DLGAP1: variants seen among roughly 807,000 people sequenced by gnomAD.
DLGAP1 encodes disks large-associated protein 1.
DLGAP1 carries 11 observed loss-of-function variants against 90.8 expected under a neutral mutation model. That is an observed-to-expected ratio of 0.12 (90% CI 0.08 to 0.20). The LOEUF (loss-of-function observed/expected upper bound fraction) is 0.20. DLGAP1 is among the 10% of genes least tolerant of loss of function. DLGAP1 has a pLI of 1.00. For synonymous variants in DLGAP1, 558 were observed against 540.7 expected, an observed-to-expected ratio of 1.03 and a Z score of -0.44; for missense variants, 1,050 against 1,333.8, an observed-to-expected ratio of 0.79 and a Z score of 3.31.
chr18:4,363,821 G>A (rs545755136), intron 1 of DLGAP1, among the ~76,000 whole-genome samples: 1 of 151,958 alleles, frequency 6.6e-6, no homozygotes, highest in East Asian at 2.0e-4. Flanking sequence ...CTGTAAACTA[G>A]TTCAACCATT....
chr18:3,527,705 C>T (rs921950484), intron 10 of DLGAP1, among the ~76,000 whole-genome samples: 5 of 151,996 alleles, frequency 3.3e-5, no homozygotes, highest in African/African-American at 9.7e-5. Flanking sequence ...ATGCTCTCAC[C>T]TCAGCCTCAT....
chr18:3,720,316 G>A (rs2061926470), intron 7 of DLGAP1, among the ~76,000 whole-genome samples: 1 of 152,200 alleles, frequency 6.6e-6, no homozygotes, highest in Non-Finnish European at 1.5e-5. Flanking sequence ...GGTGGAAATT[G>A]CATGTCAGTA....
At chr18:4,370,675 A>G (rs1428343481) in intron 1 of DLGAP1, among the ~76,000 whole-genome samples, 1 of 152,178 alleles carries the variant, frequency 6.6e-6, no homozygotes, top group African/African-American at 2.4e-5. Flanking sequence ...AAGAGAGAGG[A>G]AGAAGCGCCC....
At chr18:3,520,325 C>T (rs2051102124) in intron 10 of DLGAP1, among the ~76,000 whole-genome samples, 1 of 152,196 alleles carries the variant, frequency 6.6e-6, no homozygotes, top group South Asian at 2.1e-4. Flanking sequence ...GCAGCATCCT[C>T]AAGTCTTTCC....
chr18:3,909,392 A>G (rs576924163), intron 3 of DLGAP1, among the ~76,000 whole-genome samples: 1 of 152,338 alleles, frequency 6.6e-6, no homozygotes, highest in South Asian at 2.1e-4. Context: ...TTTGTATCAC[A>G]TTAATGCCAC....
intron 1 of DLGAP1, among the ~76,000 whole-genome samples, chr18:4,187,735 T>C (rs1219330699): frequency 3.3e-5 from 5 of 152,082 alleles, no homozygotes; most frequent in Non-Finnish European, 7.4e-5. Context: ...TGGTGGCTCA[T>C]GCCTGTAATC....
rs139481085 is a variant in DLGAP1, at chr18:4,294,227, A to C, written c.-266-142940T>G. On this transcript the variant is annotated intron_variant, in intron 1 of 12. Transcript: ENST00000315677. ...TCAGGCCAAACTATACATTCTTTCC[A>C]GAGCTGACCACACTTGTTATGTTAT... 4.3e-3 allele frequency: 653 copies of C among 152,320 alleles called. 7 individuals are homozygous for C. The highest frequency in any genetic ancestry group is 0.015 in the African/African-American group (625 of 41,564). 9.4% of individuals were successfully genotyped at this position (152,320 alleles called of 1,614,324 possible). A position where few individuals can be genotyped will look rare whatever the true frequency, so the allele number is the denominator to read the frequency against.
intron 7 of DLGAP1, among the ~76,000 whole-genome samples, chr18:3,656,755 CAG>C (rs1306285283): frequency 1.3e-5 from 2 of 150,718 alleles, no homozygotes; most frequent in African/African-American, 4.9e-5. Flanking sequence ...TTTTTTGAGA[CAG>C]AGTCTCGCTC....
intron 7 of DLGAP1, among the ~76,000 whole-genome samples, chr18:3,722,828 T>A (rs1216087699): frequency 6.6e-6 from 1 of 152,152 alleles, no homozygotes; most frequent in Non-Finnish European, 1.5e-5. Flanking sequence ...CCAAAAATGG[T>A]CATTAATGCT....
At chr18:3,513,670 G>C (rs1170612096) in intron 10 of DLGAP1, among the ~76,000 whole-genome samples, 2 of 152,164 alleles carry the variant, frequency 1.3e-5, no homozygotes, top group Admixed American at 6.5e-5. Flanking sequence ...AGAGATGGTG[G>C]GTGTTTCAAG....
chr18:3,589,146 C>T (rs1218418775), intron 7 of DLGAP1, among the ~76,000 whole-genome samples: 1 of 152,118 alleles, frequency 6.6e-6, no homozygotes, highest in East Asian at 1.9e-4. Flanking sequence ...CAAGATCGTA[C>T]CTCTGCACTC....
chr18:3,710,178 A>G (rs902566259), intron 7 of DLGAP1, among the ~76,000 whole-genome samples: 4 of 152,102 alleles, frequency 2.6e-5, no homozygotes, highest in African/African-American at 9.7e-5. Flanking sequence ...TTCATTTTAC[A>G]CTAGGAAAGA....
intron 5 of DLGAP1, among the ~76,000 whole-genome samples, chr18:3,807,405 ATTTGATTGATAGGTAACC>A (rs2066617231): frequency 1.3e-5 from 2 of 152,178 alleles, no homozygotes; most frequent in Non-Finnish European, 2.9e-5. Flanking sequence ...TAGCTCTGAC[ATTTGATTGATAGGTAACC>A]TTAAAAAAGT....
intron 10 of DLGAP1, among the ~76,000 whole-genome samples, chr18:3,523,649 C>T (rs181128664): frequency 0.01 from 1,521 of 151,920 alleles, 10 homozygotes; most frequent in Non-Finnish European, 0.014. Flanking sequence ...AGATCGAGAC[C>T]ATCCTGGCTA....
intron 4 of DLGAP1, among the ~76,000 whole-genome samples, chr18:3,836,543 G>T (rs975088894): frequency 2.6e-5 from 4 of 152,122 alleles, no homozygotes; most frequent in Non-Finnish European, 5.9e-5. Flanking sequence ...AGGTGGATGA[G>T]ATTTGTCCAC....
chr18:3,504,326 T>C (rs955370865), intron 11 of DLGAP1, among the ~76,000 whole-genome samples: 8 of 152,206 alleles, frequency 5.3e-5, no homozygotes, highest in Admixed American at 5.2e-4. Flanking sequence ...AACTTATTTT[T>C]TAAATGAACT....
intron 7 of DLGAP1, among the ~76,000 whole-genome samples, chr18:3,592,681 C>A: frequency 6.7e-6 from 1 of 150,272 alleles, no homozygotes; most frequent in African/African-American, 2.4e-5. Context: ...TCAAAAAAAC[C>A]CAAACAACAA....
At chr18:3,611,279 A>G (rs1306580956) in intron 7 of DLGAP1, among the ~76,000 whole-genome samples, 2 of 152,088 alleles carry the variant, frequency 1.3e-5, no homozygotes, top group African/African-American at 4.8e-5. Flanking sequence ...ACACCCTCCC[A>G]TCCCAGGCCC....
chr18:3,922,621 C>T (rs949160025), intron 3 of DLGAP1, among the ~76,000 whole-genome samples: 1 of 152,144 alleles, frequency 6.6e-6, no homozygotes, highest in Non-Finnish European at 1.5e-5. Flanking sequence ...TTAATAGCTG[C>T]ATATTATTTT....
Sources: allele counts gnomAD v4.1 joint callset (sites outside exome capture counted in the v4.1 genomes callset), GRCh38; gene constraint gnomAD v4.1.1; transcripts MANE v1.5; gene names NCBI Gene and HGNC (gene_info 2026-07-23, HGNC 2026-07-21).